TMEM140: variants seen among roughly 807,000 people sequenced by gnomAD.
The protein encoded by TMEM140 is transmembrane protein 140.
For missense variants in TMEM140, 236 were observed against 228.5 expected, an observed-to-expected ratio of 1.03 and a Z score of -0.21; for synonymous variants, 107 against 106.8, an observed-to-expected ratio of 1.00 and a Z score of -0.01.
rs770162914 is a variant in TMEM140 at position 135,164,757 on chromosome 7, T to A, written c.316T>A (p.Cys106Ser). 4.4e-5 allele frequency: 71 copies of A among 1,614,080 alleles called. No individual in the cohort carries two copies. The South Asian group carries it at 7.6e-4, about 17-fold the overall frequency. ...CCCCCAGCCTCTCCTCCTAGCCCAG[T>A]GCAACAGTGATGAGAGAGCGTGGCG... ...FAPQPLLLAQ[C>S]NSDERAWRLA... is the part of the protein sequence containing the mutation. Residue 106 changes from cysteine to serine, a missense_variant, in exon 2 of 2, where the codon TGC becomes AGC. By Grantham distance (112) the Cys-to-Ser change is moderately radical (BLOSUM62 -1). Transcript: ENST00000275767.
At position 135,165,128 on chromosome 7, in the gene TMEM140, G is replaced by T; in HGVS notation, c.*129G>T. ...TGGAACCCACTACAGAGGAGGTGGGGCCCCTGTGTCAAAGAGGCCGAGGGG... is the reference window on the plus strand; with the variant it reads ...TGGAACCCACTACAGAGGAGGTGGGTCCCCTGTGTCAAAGAGGCCGAGGGG... On this transcript the variant is annotated 3_prime_UTR_variant, in exon 2 of 2. Transcript: ENST00000275767. 8.3e-7 allele frequency: 1 copy of T among 1,208,442 alleles called. No individual in the cohort carries two copies. The highest frequency in any genetic ancestry group is 1.1e-6 in the Non-Finnish European group (1 of 882,372). 74.9% of individuals were successfully genotyped at this position (1,208,442 alleles called of 1,614,324 possible).
chr7:135,154,133 A>G (rs1013985743), intron 1 of TMEM140, among the ~76,000 whole-genome samples: 3 of 152,172 alleles, frequency 2.0e-5, no homozygotes, highest in African/African-American at 7.2e-5. Context: ...GTTGTTCATA[A>G]TAGTCCTTGA....
chr7:135,152,429 T>A (rs1180719103), intron 1 of TMEM140, among the ~76,000 whole-genome samples: 1 of 152,264 alleles, frequency 6.6e-6, no homozygotes, highest in Non-Finnish European at 1.5e-5. Flanking sequence ...ACAGGCTCCA[T>A]CATTCACTGG....
At chr7:135,149,389 G>A (rs573391614) in intron 1 of TMEM140, among the ~76,000 whole-genome samples, 2 of 152,188 alleles carry the variant, frequency 1.3e-5, no homozygotes, top group East Asian at 3.9e-4. Flanking sequence ...TTTTCTAAAA[G>A]ATGCATAGTA....
At position 135,148,115 on chromosome 7, in the gene TMEM140, C is replaced by T. The variant is rs1053072629; in HGVS notation, c.-180C>T. ...CACGACTGCGAAGGCAAGGGGGCACCAGCTCAGGACTGCATCTGCCTGCCA... is the reference window on the plus strand; with the variant it reads ...CACGACTGCGAAGGCAAGGGGGCACTAGCTCAGGACTGCATCTGCCTGCCA... On this transcript the variant is annotated 5_prime_UTR_variant, in exon 1 of 2. Coordinates refer to ENST00000275767, the MANE Select transcript of TMEM140 (RefSeq NM_018295.5). 6.1e-5 allele frequency: 28 copies of T among 455,658 alleles called. No individual in the cohort carries two copies. Among genetic ancestry groups the T allele is most frequent in the African/African-American group, 5.4e-4 (27 of 50,010 alleles). The allele number at this position is 455,658 out of a possible 1,614,324, so 28.2% of individuals were successfully genotyped here.
intron 1 of TMEM140, among the ~76,000 whole-genome samples, chr7:135,155,191 C>T (rs1043232808): frequency 6.6e-6 from 1 of 152,126 alleles, no homozygotes; most frequent in Non-Finnish European, 1.5e-5. Context: ...CATGGAATAT[C>T]TTTTTCCACC....
At chr7:135,162,639 A>C (rs143855725) in intron 1 of TMEM140, among the ~76,000 whole-genome samples, 2 of 152,342 alleles carry the variant, frequency 1.3e-5, no homozygotes, top group African/African-American at 4.8e-5. Flanking sequence ...ACTCACTACC[A>C]TGAGTACAGT....
intron 1 of TMEM140, 94 bp from the exon 2 acceptor site, chr7:135,164,324 G>T: frequency 9.2e-7 from 1 of 1,083,986 alleles, no homozygotes. Flanking sequence ...CTTGCCATGA[G>T]TTTGTAAGAA....
At position 135,165,264 on chromosome 7, in the gene TMEM140, A is replaced by G. The variant is rs529622083; in HGVS notation, c.*265A>G. The G allele has an allele frequency of 1.8e-5, 7 of 390,390 alleles. No individual in the cohort carries two copies. The highest frequency in any genetic ancestry group is 2.4e-5 in the Non-Finnish European group (5 of 208,378). The allele number at this position is 390,390 out of a possible 1,614,324, so 24.2% of individuals were successfully genotyped here. A position where few individuals can be genotyped will look rare whatever the true frequency, so the allele number is the denominator to read the frequency against. ...AACCATGCAGCTCATTGTCACACCA[A>G]TTCCTGCTTTAATTAATGGATCTGA... On this transcript the variant is annotated 3_prime_UTR_variant, in exon 2 of 2. Coordinates refer to ENST00000275767, the MANE Select transcript of TMEM140 (RefSeq NM_018295.5).
At chr7:135,155,701 A>G (rs1829775175) in intron 1 of TMEM140, among the ~76,000 whole-genome samples, 1 of 152,172 alleles carries the variant, frequency 6.6e-6, no homozygotes, top group African/African-American at 2.4e-5. Context: ...AAAATTAAAA[A>G]TTAACCGGGC....
Position 135,165,688 on chromosome 7 carries a change from C to T in TMEM140, c.*689C>T, listed in dbSNP as rs944178948. ...GATGAGACCCTGGAGGACTCCAAATCCTCGCTGTGAACAGGACTGGACGGC... is the reference window on the plus strand; with the variant it reads ...GATGAGACCCTGGAGGACTCCAAATTCTCGCTGTGAACAGGACTGGACGGC... On this transcript the variant is annotated 3_prime_UTR_variant, in exon 2 of 2. Transcript: ENST00000275767. 1.8e-5 allele frequency: 3 copies of T among 167,168 alleles called. No individual in the cohort carries two copies. Among genetic ancestry groups the T allele is most frequent in the African/African-American group, 7.2e-5 (3 of 41,442 alleles). The allele number at this position is 167,168 out of a possible 1,614,324, so 10.4% of individuals were successfully genotyped here.
intron 1 of TMEM140, chr7:135,152,918 G>A (rs1231010439): frequency 6.6e-6 from 1 of 152,186 alleles, no homozygotes; most frequent in African/African-American, 2.4e-5. Flanking sequence ...CGATGGGGAA[G>A]GGGCTGCCAA....
intron 1 of TMEM140, among the ~76,000 whole-genome samples, chr7:135,159,551 T>G (rs1036729354): frequency 6.6e-6 from 1 of 152,246 alleles, no homozygotes; most frequent in African/African-American, 2.4e-5. Context: ...CTGTAACTCT[T>G]GAGTGACAGT....
In TMEM140 at chr7:135,152,738, T is replaced by C. The variant is rs1829694834; in HGVS notation, c.-25+4468T>C. 4 of 152,350 alleles carry C rather than the reference T, an allele frequency of 2.6e-5. No individual in the cohort carries two copies. In the South Asian group the frequency reaches 8.3e-4, roughly 32 times the overall value. 9.4% of individuals were successfully genotyped at this position (152,350 alleles called of 1,614,324 possible). On this transcript the variant is annotated intron_variant, in intron 1 of 1. Coordinates refer to ENST00000275767, the MANE Select transcript of TMEM140 (RefSeq NM_018295.5). Reference sequence around the variant, plus strand: ...GGTCCCCTTTGGCTTTCTGAAATCATTAATTAAAAGAAAGGCCCTAGGAAC... The same window carrying C: ...GGTCCCCTTTGGCTTTCTGAAATCACTAATTAAAAGAAAGGCCCTAGGAAC...
At chr7:135,157,802 C>G (rs1226849457) in intron 1 of TMEM140, among the ~76,000 whole-genome samples, 1 of 152,188 alleles carries the variant, frequency 6.6e-6, no homozygotes, top group Non-Finnish European at 1.5e-5. Context: ...CTTGGTCTTC[C>G]CTGTCCCTTT....
At chr7:135,153,332 T>C (rs1829707917) in intron 1 of TMEM140, among the ~76,000 whole-genome samples, 1 of 151,796 alleles carries the variant, frequency 6.6e-6, no homozygotes, top group Non-Finnish European at 1.5e-5. Flanking sequence ...CACGCACCTG[T>C]AGTCCTAGCT....
chr7:135,149,926 C>A (rs1829628900), intron 1 of TMEM140, among the ~76,000 whole-genome samples: 1 of 152,128 alleles, frequency 6.6e-6, no homozygotes. Flanking sequence ...ATTTTCCATG[C>A]TCATTGACTT....
intron 1 of TMEM140, among the ~76,000 whole-genome samples, chr7:135,159,365 C>G (rs1181567835): frequency 6.6e-6 from 1 of 152,216 alleles, no homozygotes; most frequent in Non-Finnish European, 1.5e-5. Flanking sequence ...ATATTTGTGT[C>G]TCTTTCAGCC....
At chr7:135,153,007 A>C (rs1479175430) in intron 1 of TMEM140, 1 of 152,234 alleles carries the variant, frequency 6.6e-6, no homozygotes, top group African/African-American at 2.4e-5. Flanking sequence ...AATCCCATTA[A>C]AAAGTGGGTA....
Sources: allele counts gnomAD v4.1 joint callset (sites outside exome capture counted in the v4.1 genomes callset), GRCh38; gene constraint gnomAD v4.1.1; transcripts MANE v1.5; gene names NCBI Gene and HGNC (gene_info 2026-07-23, HGNC 2026-07-21).